ASGR1: variants seen among roughly 807,000 people sequenced by gnomAD.
ASGR1 encodes the protein C-type lectin domain family 4 member H1.
Under a neutral mutation model 33.1 loss-of-function variants are expected in ASGR1, and 35 were observed. The observed-to-expected ratio is 1.06, with a 90% CI of 0.81 to 1.40. The LOEUF (loss-of-function observed/expected upper bound fraction) is 1.40. ASGR1 is among the 40% of genes most tolerant of loss of function. The probability of loss-of-function intolerance (pLI) is 0.00; values close to 1 mark genes in which losing one functional copy is unlikely to be tolerated. For missense variants in ASGR1, 396 were observed against 373.7 expected (o/e 1.06, Z -0.49); for synonymous variants, 142 against 152.5 (o/e 0.93, Z 0.51).
rs1024249776 is a variant in ASGR1, at chr17:7,173,714, C to T, written c.821G>A (p.Arg274His). The change falls in exon 9 of 9, where the codon CGC becomes CAC. Residue 274 changes from arginine (R) to histidine (H), a missense_variant. Arg to His is a conservative substitution (Grantham distance 29). Transcript: ENST00000269299. This position sits in a 1 kb window ranked among gnomAD's most constrained non-coding sequence, Gnocchi z 4.7. ...WNDDVCQRPYRWVCETELDKA... is the reference protein window; with the variant it reads ...WNDDVCQRPYHWVCETELDKA... ...GTCCAGCTCTGTCTCGCAGACCCAG[C>T]GGTAGGGCCTCTGGCAGACGTCGTC... The T allele has an allele frequency of 6.2e-7, 1 of 1,613,854 alleles. No individual in the cohort carries two copies. The highest frequency in any genetic ancestry group is 8.5e-7 in the Non-Finnish European group (1 of 1,180,032).
Position 7,178,552 on chromosome 17 carries a change from C to A in ASGR1, c.12G>T (p.Glu4Asp), listed in dbSNP as rs1261657945. The A allele has an allele frequency of 6.2e-7, 1 of 1,613,980 alleles. No individual in the cohort carries two copies. MTK[E>D]YQDLQHLDNE... is the part of the protein sequence containing the mutation. Reference sequence around the variant, plus strand: ...TGTCCAGATGCTGAAGGTCTTGATACTCCTTGGTCATGATAGGGCTGGCGC... The same window carrying A: ...TGTCCAGATGCTGAAGGTCTTGATAATCCTTGGTCATGATAGGGCTGGCGC... The change falls in exon 2 of 9, where the codon GAG becomes GAT. Residue 4 changes from glutamate to aspartate, a missense_variant. Physicochemically the swap from Glu to Asp is conservative, Grantham distance 45. Coordinates refer to ENST00000269299, the MANE Select transcript of ASGR1 (RefSeq NM_001671.5).
At chr17:7,174,590 G>C (rs1285161457) in intron 5 of ASGR1, 130 bp from the exon 6 acceptor site, 2 of 859,690 alleles carry the variant, frequency 2.3e-6, no homozygotes, top group Admixed American at 4.5e-5. Context: ...AACAGCAGCG[G>C]AGTTGGCCTG....
rs754264930 is a variant in ASGR1, at chr17:7,174,167, G to A, written c.565C>T (p.Leu189=). 4.3e-6 allele frequency: 7 copies of A among 1,614,020 alleles called. No homozygotes were observed. The highest frequency in any genetic ancestry group is 1.6e-4 in the Middle Eastern group (1 of 6,084). ...TCCTCCCAGGACGTGACCACCACCA[G>A]GTGCGCGTCCTCCAGCCGGCAGTAG... ...DNYCRLEDAH[L]VVVTSWEEQK... The change falls in exon 7 of 9, where the codon CTG becomes TTG. Residue 189 remains leucine (L), a synonymous_variant. Coordinates refer to ENST00000269299, the MANE Select transcript of ASGR1 (RefSeq NM_001671.5).
At chr17:7,175,783 T>TCACA (rs368628906) in intron 5 of ASGR1, among the ~76,000 whole-genome samples, 8,721 of 145,038 alleles carry the variant, frequency 0.06, 579 homozygotes, top group African/African-American at 0.17. Flanking sequence ...ACACAGGCTC[T>TCACA]CACACACACA....
chr17:7,173,638 T>A lies in ASGR1; in HGVS notation c.*21A>T. ...CCCAATCCCGGACCCCTGCGGCAGG[T>A]CGAGGCATTGAAGAAATAAATTAAA... On this transcript the variant is annotated 3_prime_UTR_variant, in exon 9 of 9. Coordinates refer to ENST00000269299, the MANE Select transcript of ASGR1 (RefSeq NM_001671.5). The surrounding 1 kb of genome is among the most constrained non-coding windows in gnomAD (Gnocchi z 4.7). 6.2e-7 allele frequency: 1 copy of A among 1,610,662 alleles called. No homozygotes were observed. The highest frequency in any genetic ancestry group is 1.7e-5 in the Admixed American group (1 of 59,952).
chr17:7,176,616 A>C, intron 5 of ASGR1: 1 of 640,922 alleles, frequency 1.6e-6, no homozygotes, highest in East Asian at 2.8e-5. Flanking sequence ...ACACTCACAG[A>C]CATACACACT....
intron 5 of ASGR1, among the ~76,000 whole-genome samples, chr17:7,175,337 CCTT>C (rs571057231): frequency 1.3e-3 from 191 of 145,752 alleles, no homozygotes; most frequent in Middle Eastern, 7.4e-3. Context: ...ACACAACACA[CCTT>C]CACCCACACA....
chr17:7,176,657 TCATA>T, intron 5 of ASGR1, 169 bp downstream of exon 5: 2 of 860,882 alleles, frequency 2.3e-6, no homozygotes, highest in Non-Finnish European at 1.8e-6. Context: ...CACAAGGCTC[TCATA>T]CACACACCCA....
chr17:7,174,535 C>T (rs2069172088), intron 5 of ASGR1, 75 bp from the exon 6 acceptor site: 27 of 1,459,448 alleles, frequency 1.9e-5, no homozygotes, highest in Non-Finnish European at 2.4e-5. Flanking sequence ...CGAGGTCAGC[C>T]CTACATCCTC....
intron 5 of ASGR1, 111 bp downstream of exon 5, chr17:7,176,718 AC>A: frequency 6.9e-7 from 1 of 1,442,924 alleles, no homozygotes; most frequent in Non-Finnish European, 9.4e-7. Context: ...ACACACACAC[AC>A]TCCCTCTCAT....
In ASGR1 at chr17:7,174,174, G is replaced by C. The variant is rs765525009; in HGVS notation, c.558C>G (p.Asp186Glu). ...ADADNYCRLE[D>E]AHLVVVTSWE... ...AGGACGTGACCACCACCAGGTGCGC[G>C]TCCTCCAGCCGGCAGTAGTTGTCGG... is the stretch of plus-strand genomic sequence containing the variant. The change falls in exon 7 of 9, where the codon GAC becomes GAG. Residue 186 changes from aspartate to glutamate, a missense_variant. Physicochemically the swap from Asp to Glu is conservative, Grantham distance 45 (BLOSUM62 2). Transcript: ENST00000269299. 7 of 1,614,130 alleles carry C rather than the reference G, an allele frequency of 4.3e-6. No homozygotes were observed. Among genetic ancestry groups the C allele is most frequent in the Middle Eastern group, 1.6e-4 (1 of 6,062 alleles).
intron 5 of ASGR1, among the ~76,000 whole-genome samples, chr17:7,174,775 TACAAC>T (rs903925826): frequency 7.6e-6 from 1 of 131,944 alleles, no homozygotes; most frequent in African/African-American, 2.9e-5. Flanking sequence ...ACACAACACA[TACAAC>T]ACACCCTAAC....
chr17:7,178,124 G>A (rs1490763505), intron 2 of ASGR1: 4 of 293,576 alleles, frequency 1.4e-5, no homozygotes, highest in African/African-American at 4.3e-5. Context: ...ACACACACAC[G>A]CACACGCTCG....
rs771437084 is a variant in ASGR1, at chr17:7,174,152, A to G, written c.580T>C (p.Ser194Pro). 3 of 1,613,936 alleles carry G rather than the reference A, an allele frequency of 1.9e-6. No homozygotes were observed. Among genetic ancestry groups the G allele is most frequent in the Non-Finnish European group, 2.5e-6 (3 of 1,179,998 alleles). The change falls in exon 7 of 9, where the codon TCC (serine) becomes CCC (proline). Residue 194 changes from serine (S) to proline (P), a missense_variant. Physicochemically the swap from Ser to Pro is moderately conservative, Grantham distance 74. Transcript: ENST00000269299. ...CGGGTCCTCACCTGCTCCTCCCAGGACGTGACCACCACCAGGTGCGCGTCC... is the reference window on the plus strand; with the variant it reads ...CGGGTCCTCACCTGCTCCTCCCAGGGCGTGACCACCACCAGGTGCGCGTCC... ...LEDAHLVVVT[S>P]WEEQKFVQHH...
chr17:7,177,177 A>G (rs1344014392), intron 3 of ASGR1, 33 bp downstream of exon 3: 30 of 1,607,856 alleles, frequency 1.9e-5, no homozygotes, highest in African/African-American at 8.1e-5. Context: ...ACACCCCCCA[A>G]TGTTGCCCCC....
intron 5 of ASGR1, among the ~76,000 whole-genome samples, chr17:7,174,726 C>A (rs1555597258): frequency 6.9e-6 from 1 of 143,952 alleles, no homozygotes; most frequent in Non-Finnish European, 1.5e-5. Flanking sequence ...CACACACACA[C>A]AACCTAACCC....
intron 5 of ASGR1, among the ~76,000 whole-genome samples, chr17:7,176,232 CTCACAG>C (rs1328819725): frequency 7.7e-6 from 1 of 129,636 alleles, no homozygotes; most frequent in Non-Finnish European, 1.5e-5. Flanking sequence ...CACACACACA[CTCACAG>C]ACACACACAC....
chr17:7,177,873 T>A (rs908355843), intron 2 of ASGR1: 1 of 160,826 alleles, frequency 6.2e-6, no homozygotes, highest in African/African-American at 2.4e-5. Flanking sequence ...CCCTGCCGGG[T>A]CTCCTCCGCT....
In ASGR1 at chr17:7,174,468, G is replaced by C. The variant is rs1447839330; in HGVS notation, c.356-8C>G. 1.9e-6 allele frequency: 3 copies of C among 1,611,252 alleles called. No individual in the cohort carries two copies. The highest frequency in any genetic ancestry group is 2.5e-6 in the Non-Finnish European group (3 of 1,178,782). The stretch of plus-strand genomic sequence containing the variant: ...GCAGCAGGCTGGAGTGATCTGGGGA[G>C]ACCGGGCGGAGGGGAGCGGGAGGAG... On this transcript the variant is annotated splice_region_variant and splice_polypyrimidine_tract_variant and intron_variant, in intron 5 of 8. Transcript: ENST00000269299.
Sources: gnomAD v4.1 joint callset for allele counts (sites outside exome capture counted in the v4.1 genomes callset) on GRCh38, gnomAD v4.1.1 for gene constraint, Gnocchi (gnomAD v3.1) non-coding constraint, MANE v1.5 for transcripts, NCBI Gene and HGNC (gene_info 2026-07-23, HGNC 2026-07-21) for gene names.